BFSP1: variants seen among roughly 807,000 people sequenced by gnomAD.
The protein encoded by BFSP1 is filensin.
In BFSP1, 38 loss-of-function variants were observed where a neutral mutation model predicts 43.9. The observed-to-expected ratio is 0.87, with a 90% confidence interval of 0.67 to 1.14. The LOEUF is 1.14. Ranked by LOEUF, BFSP1 falls within the 50% of genes most tolerant of loss-of-function variation. BFSP1 has a pLI of 0.00. For synonymous variants in BFSP1, 352 were observed against 354.8 expected (o/e 0.99, Z 0.09); for missense variants, 850 against 875.1 (o/e 0.97, Z 0.36).
chr20:17,565,935 T>C (rs1049305649), intron 1 of BFSP1: 4 of 152,010 alleles, frequency 2.6e-5, no homozygotes, highest in East Asian at 1.9e-4. Context: ...CTGGCCAACA[T>C]GGTGAAACCC....
intron 1 of BFSP1, among the ~76,000 whole-genome samples, chr20:17,567,095 CT>C (rs2035128330): frequency 6.6e-6 from 1 of 151,872 alleles, no homozygotes; most frequent in African/African-American, 2.4e-5. Flanking sequence ...CTTTATTAGT[CT>C]ATAGCATTGT....
chr20:17,565,056 G>C (rs1316066982), intron 1 of BFSP1, among the ~76,000 whole-genome samples: 16 of 150,054 alleles, frequency 1.1e-4, no homozygotes, highest in Non-Finnish European at 1.5e-5. Context: ...CCCTAACAAA[G>C]TAAGAAAAAA....
chr20:17,501,174 G>T (rs759040489), intron 5 of BFSP1, among the ~76,000 whole-genome samples: 2 of 152,248 alleles, frequency 1.3e-5, no homozygotes, highest in Non-Finnish European at 2.9e-5. Flanking sequence ...TGGACACCCT[G>T]GAAGATGATC....
chr20:17,497,599 T>TATAC (rs1386363079), intron 6 of BFSP1, among the ~76,000 whole-genome samples: 3 of 117,954 alleles, frequency 2.5e-5, no homozygotes, highest in African/African-American at 1.0e-4. Flanking sequence ...TATACGTGTA[T>TATAC]ATATATACGT....
intron 1 of BFSP1, among the ~76,000 whole-genome samples, chr20:17,546,345 G>A (rs549014070): frequency 6.6e-6 from 1 of 152,200 alleles, no homozygotes; most frequent in South Asian, 2.1e-4. Context: ...AGAAACCGCC[G>A]CCATAATCCA....
At chr20:17,546,334 G>A (rs1568713733) in intron 1 of BFSP1, among the ~76,000 whole-genome samples, 1 of 152,106 alleles carries the variant, frequency 6.6e-6, no homozygotes, top group Non-Finnish European at 1.5e-5. Context: ...GAACAGCATG[G>A]AGAAACCGCC....
chr20:17,509,686 C>T (rs1483233032), intron 4 of BFSP1, among the ~76,000 whole-genome samples: 4 of 152,160 alleles, frequency 2.6e-5, no homozygotes, highest in African/African-American at 7.2e-5. Context: ...TGGTTGGAGC[C>T]GCGAGCCATA....
upstream of BFSP1, among the ~76,000 whole-genome samples, chr20:17,559,667 C>T (rs963602767): frequency 1.3e-5 from 2 of 152,138 alleles, no homozygotes; most frequent in African/African-American, 4.8e-5. Flanking sequence ...GTCAGATCAG[C>T]GGCGGCATTA....
chr20:17,540,396 A>G (rs1167821752), intron 1 of BFSP1, among the ~76,000 whole-genome samples: 1 of 151,806 alleles, frequency 6.6e-6, no homozygotes, highest in Non-Finnish European at 1.5e-5. Flanking sequence ...CTACTCCTTT[A>G]CACCTCCCAC....
intron 1 of BFSP1, chr20:17,565,684 C>G (rs1347026895): frequency 6.6e-6 from 1 of 152,184 alleles, no homozygotes; most frequent in Non-Finnish European, 1.5e-5. Flanking sequence ...AAACTGACAT[C>G]AGTGGTTACC....
chr20:17,501,313 C>T (rs2033794060), intron 5 of BFSP1, among the ~76,000 whole-genome samples: 1 of 152,150 alleles, frequency 6.6e-6, no homozygotes, highest in South Asian at 2.1e-4. Flanking sequence ...ACCTGTAATC[C>T]CAGCACTTAA....
intron 1 of BFSP1, among the ~76,000 whole-genome samples, chr20:17,556,686 A>G (rs2034996254): frequency 6.6e-6 from 1 of 151,888 alleles, no homozygotes; most frequent in Non-Finnish European, 1.5e-5. Flanking sequence ...ATTGCAGGGG[A>G]GTGAAGGTGA....
At chr20:17,518,812 C>G (rs1360308756) in intron 2 of BFSP1, among the ~76,000 whole-genome samples, 3 of 152,214 alleles carry the variant, frequency 2.0e-5, no homozygotes, top group Non-Finnish European at 4.4e-5. Context: ...AGCTCTGAAT[C>G]AGTTCATCCC....
intron 1 of BFSP1, chr20:17,541,264 C>G: frequency 4.1e-6 from 4 of 982,476 alleles, no homozygotes; most frequent in Non-Finnish European, 4.8e-6. Flanking sequence ...AAAGTTTTTG[C>G]ATGTTGGGAG....
chr20:17,541,499 A>G (rs2034717827), intron 1 of BFSP1, among the ~76,000 whole-genome samples: 1 of 152,252 alleles, frequency 6.6e-6, no homozygotes. Context: ...GAGGAAATAT[A>G]TAGGGACAGA....
upstream of BFSP1, chr20:17,560,572 C>T (rs900698159): frequency 6.6e-6 from 1 of 152,200 alleles, no homozygotes; most frequent in African/African-American, 2.4e-5. Flanking sequence ...AGGAAACATC[C>T]TCAAATCTAA....
At chr20:17,542,427 CAAA>C (rs3076281) in intron 1 of BFSP1, among the ~76,000 whole-genome samples, 24,983 of 114,530 alleles carry the variant, frequency 0.22, 2,452 homozygotes, top group Non-Finnish European at 0.26. Context: ...TCATCTCTAC[CAAA>C]AAAAAAAAAA....
At chr20:17,559,208 A>G (rs944609435), upstream of BFSP1, among the ~76,000 whole-genome samples, 2 of 152,186 alleles carry the variant, frequency 1.3e-5, no homozygotes, top group African/African-American at 2.4e-5. Context: ...CTAGAAAACT[A>G]CAGCAATTTA....
chr20:17,568,796 T>A (rs962016084), intron 1 of BFSP1, among the ~76,000 whole-genome samples: 2 of 151,474 alleles, frequency 1.3e-5, no homozygotes, highest in Non-Finnish European at 2.9e-5. Context: ...AGATTTTACG[T>A]AGTGCCGGAA....
Sources: allele counts gnomAD v4.1 joint callset (sites outside exome capture counted in the v4.1 genomes callset), GRCh38; gene constraint gnomAD v4.1.1; transcripts MANE v1.5; gene names NCBI Gene and HGNC (gene_info 2026-07-23, HGNC 2026-07-21).